NAV3: variants seen among roughly 807,000 people sequenced by gnomAD.
The protein encoded by NAV3 is pore membrane and/or filament interacting like protein 1.
NAV3 carries 87 observed loss-of-function variants against 244.7 expected under a neutral mutation model. The ratio of observed to expected loss-of-function variants is 0.36; its 90% confidence interval spans 0.30 to 0.42. The LOEUF (loss-of-function observed/expected upper bound fraction) is 0.42, where lower values mean the gene tolerates loss of function less well. Ranked by LOEUF, NAV3 falls within the 20% of genes least tolerant of loss-of-function variation. NAV3 has a pLI of 1.00. For synonymous variants in NAV3, 1,126 were observed against 1,042.2 expected (o/e 1.08, Z -1.55); for missense variants, 2,663 against 2,893.3 (o/e 0.92, Z 1.83).
At position 77,691,335 on chromosome 12, in the gene NAV3, G is replaced by GTA. The variant is rs1455098694; in HGVS notation, c.72+119070_72+119071insAT. ...GTCATATATAAGTATTTGTGTATGTGTGTATATATATATATATATACATAT... is the reference window on the plus strand; with the variant it reads ...GTCATATATAAGTATTTGTGTATGTGTATGTATATATATATATATATACATAT... On this transcript the variant is annotated intron_variant, in intron 2 of 8. Coordinates refer to the NAV3 transcript ENST00000550042. Among the ~76,000 whole-genome samples the GTA allele has an allele frequency of 2.5e-3, 256 of 103,458 alleles. 6 individuals are homozygous for GTA. Among genetic ancestry groups the GTA allele is most frequent in the African/African-American group, 8.1e-3 (232 of 28,712 alleles). The allele number at this position is 103,458 out of a possible 152,430, so 67.9% of individuals were successfully genotyped here. A position where few individuals can be genotyped will look rare whatever the true frequency, so the allele number is the denominator to read the frequency against.
chr12:78,015,540 GTTGCA>G (rs1876048553), intron 8 of NAV3, among the ~76,000 whole-genome samples: 2 of 151,662 alleles, frequency 1.3e-5, no homozygotes, highest in Admixed American at 1.3e-4. Context: ...TGTTTTTCCT[GTTGCA>G]TTTCATTGGG....
chr12:77,872,608 A>G (rs778232063), intron 1 of NAV3, among the ~76,000 whole-genome samples: 10 of 152,196 alleles, frequency 6.6e-5, no homozygotes, highest in Non-Finnish European at 2.9e-5. Context: ...TGGCAATCCC[A>G]GGGAATCAAG....
At chr12:77,775,588 T>G (rs563313032) in intron 2 of NAV3, among the ~76,000 whole-genome samples, 110 of 152,322 alleles carry the variant, frequency 7.2e-4, no homozygotes, top group African/African-American at 2.5e-3. Context: ...AGCCTGTTAC[T>G]TTATCTTGTT....
chr12:77,990,485 A>C (rs1349389381), intron 5 of NAV3, among the ~76,000 whole-genome samples: 1 of 152,214 alleles, frequency 6.6e-6, no homozygotes, highest in Admixed American at 6.5e-5. Context: ...CCTGATGGTC[A>C]GTTTCCTGAG....
intron 5 of NAV3, among the ~76,000 whole-genome samples, chr12:77,978,838 A>G (rs1207714232): frequency 6.6e-6 from 1 of 151,898 alleles, no homozygotes; most frequent in East Asian, 1.9e-4. Flanking sequence ...TCTCAGTCTA[A>G]TAAGATATAA....
intron 2 of NAV3, among the ~76,000 whole-genome samples, chr12:77,755,593 C>T (rs1470830308): frequency 5.2e-5 from 3 of 57,198 alleles, no homozygotes; most frequent in African/African-American, 1.0e-4. Context: ...CTCCCTCCCT[C>T]CCTCCCTCCC....
chr12:77,833,352 G>A (rs980503387), intron 1 of NAV3, among the ~76,000 whole-genome samples: 1 of 152,100 alleles, frequency 6.6e-6, no homozygotes, highest in South Asian at 2.1e-4. Flanking sequence ...TGAATAAATA[G>A]TTATTCCGAG....
intron 2 of NAV3, among the ~76,000 whole-genome samples, chr12:77,582,870 T>G (rs556866261): frequency 1.3e-5 from 2 of 152,324 alleles, no homozygotes; most frequent in South Asian, 2.1e-4. Flanking sequence ...TCAAGGCATA[T>G]CCACACCATT....
rs1214933751 is a variant in NAV3 at position 77,691,333 on chromosome 12, G to GTATATATATATA, written c.72+119068_72+119069insATATATATATAT. Among the ~76,000 whole-genome samples, 218 of 100,890 alleles carry GTATATATATATA rather than the reference G, an allele frequency of 2.2e-3. 6 individuals are homozygous for GTATATATATATA. Among genetic ancestry groups the GTATATATATATA allele is most frequent in the African/African-American group, 7.8e-3 (204 of 26,062 alleles). 66.2% of individuals were successfully genotyped at this position (100,890 alleles called of 152,430 possible). A position where few individuals can be genotyped will look rare whatever the true frequency, so the allele number is the denominator to read the frequency against. ...TAGTCATATATAAGTATTTGTGTAT[G>GTATATATATATA]TGTGTATATATATATATATATACAT... is the stretch of plus-strand genomic sequence containing the variant. On this transcript the variant is annotated intron_variant, in intron 2 of 8. Coordinates refer to the NAV3 transcript ENST00000550042.
chr12:78,207,887 G>T (rs1177662104), intron 39 of NAV3, among the ~76,000 whole-genome samples: 1 of 152,122 alleles, frequency 6.6e-6, no homozygotes, highest in Non-Finnish European at 1.5e-5. Flanking sequence ...GTAGAGAGAG[G>T]ACAGACTGAA....
chr12:78,107,262 C>G (rs1325053271), intron 12 of NAV3, among the ~76,000 whole-genome samples: 7 of 151,654 alleles, frequency 4.6e-5, no homozygotes, highest in Non-Finnish European at 1.0e-4. Flanking sequence ...ATTAAAGTGA[C>G]CAAATATACG....
At position 77,831,180 on chromosome 12, in the gene NAV3, AG is replaced by A. The variant is rs1873598884; in HGVS notation, c.-281del. The A allele has an allele frequency of 1.1e-5, 2 of 182,372 alleles. No individual in the cohort carries two copies. The highest frequency in any genetic ancestry group is 1.2e-4 in the Admixed American group (2 of 16,036). The allele number at this position is 182,372 out of a possible 1,614,324, so 11.3% of individuals were successfully genotyped here. A position where few individuals can be genotyped will look rare whatever the true frequency, so the allele number is the denominator to read the frequency against. ...GAGAGAGAGAGAGACAGAGAGAGAG[AG>A]AGAGAGAGAGAGACAGAGAGAGAGA... is the stretch of plus-strand genomic sequence containing the variant. On this transcript the variant is annotated 5_prime_UTR_variant, in exon 1 of 40. Coordinates refer to ENST00000397909, the MANE Select transcript of NAV3 (RefSeq NM_001024383.2).
intron 2 of NAV3, among the ~76,000 whole-genome samples, chr12:77,612,959 C>T (rs1870984122): frequency 6.6e-6 from 1 of 152,074 alleles, no homozygotes; most frequent in African/African-American, 2.4e-5. Flanking sequence ...AGCACTTCCT[C>T]TTGCTGCCTC....
At chr12:77,811,342 G>A (rs903789252) in intron 2 of NAV3, among the ~76,000 whole-genome samples, 2 of 152,126 alleles carry the variant, frequency 1.3e-5, no homozygotes, top group East Asian at 1.9e-4. Context: ...AATCTAGTTG[G>A]AATGACTAAT....
At chr12:77,981,166 A>T (rs896000933) in intron 5 of NAV3, among the ~76,000 whole-genome samples, 1 of 152,016 alleles carries the variant, frequency 6.6e-6, no homozygotes, top group African/African-American at 2.4e-5. Context: ...TTTTCAGTGA[A>T]CTCTTAGCAA....
At chr12:77,822,605 ATATCT>A (rs1872791768) in intron 2 of NAV3, among the ~76,000 whole-genome samples, 1 of 152,194 alleles carries the variant, frequency 6.6e-6, no homozygotes, top group African/African-American at 2.4e-5. Context: ...CATGCTCAGT[ATATCT>A]TATCTTATTT....
chr12:77,575,257 A>T (rs1869025765), intron 2 of NAV3, among the ~76,000 whole-genome samples: 1 of 152,088 alleles, frequency 6.6e-6, no homozygotes, highest in African/African-American at 2.4e-5. Context: ...ACAGATGTGT[A>T]TCTTATAGGA....
chr12:78,178,304 C>T (rs370975034), intron 28 of NAV3, among the ~76,000 whole-genome samples: 169 of 151,686 alleles, frequency 1.1e-3, no homozygotes, highest in African/African-American at 3.9e-3. Context: ...GGTTTACAGG[C>T]GTGCACCACC....
intron 2 of NAV3, among the ~76,000 whole-genome samples, chr12:77,793,062 T>G (rs1202527144): frequency 6.6e-6 from 1 of 151,734 alleles, no homozygotes. Context: ...ATACCAAATT[T>G]CTCCCACCCA....
Sources: allele counts gnomAD v4.1 joint callset (sites outside exome capture counted in the v4.1 genomes callset), GRCh38; gene constraint gnomAD v4.1.1; transcripts MANE v1.5; gene names NCBI Gene and HGNC (gene_info 2026-07-23, HGNC 2026-07-21).